The following RNF144A variants were observed in gnomAD, a reference collection of about 807,000 sequenced individuals.
RNF144A encodes the protein ring finger protein 144A, also known as E3 ubiquitin-protein ligase RNF144A.
Under a neutral mutation model 38.7 loss-of-function variants are expected in RNF144A, and 11 were observed. The ratio of observed to expected loss-of-function variants is 0.28; its 90% CI spans 0.18 to 0.47. The LOEUF is 0.47. RNF144A is among the 20% of genes least tolerant of loss of function. RNF144A has a pLI of 0.99. For synonymous variants in RNF144A, 149 were observed against 143.9 expected, an observed-to-expected ratio of 1.04 and a Z score of -0.25; for missense variants, 316 against 377.2, an observed-to-expected ratio of 0.84 and a Z score of 1.34.
rs1672252724 is a variant in RNF144A, at chr2:7,030,881, G to T, written c.747+666G>T. Among the ~76,000 whole-genome samples, 3 of 151,896 alleles carry T rather than the reference G, an allele frequency of 2.0e-5. No homozygotes were observed. The South Asian group carries it at 6.2e-4, about 32-fold the overall frequency. On this transcript the variant is annotated intron_variant, in intron 8 of 8. Coordinates refer to ENST00000320892, the MANE Select transcript of RNF144A (RefSeq NM_014746.6). ...TGCAACTAGATGGTCCCATCTGAGG[G>T]TGATGGGAGACTGTGATAGATCATC...
At chr2:7,070,942 T>A (rs1674459304), downstream of RNF144A, among the ~76,000 whole-genome samples, 1 of 150,488 alleles carries the variant, frequency 6.6e-6, no homozygotes, top group African/African-American at 2.4e-5. Flanking sequence ...GTTTTTTTTT[T>A]TTTTTTTTTT....
At chr2:7,008,243 T>C (rs563945918) in intron 3 of RNF144A, among the ~76,000 whole-genome samples, 1 of 152,244 alleles carries the variant, frequency 6.6e-6, no homozygotes, top group Non-Finnish European at 1.5e-5. Flanking sequence ...GCCTTCCTCC[T>C]TTTTGGCAGC....
At chr2:6,918,088 A>G (rs1272683973) in intron 1 of RNF144A, among the ~76,000 whole-genome samples, 3 of 152,008 alleles carry the variant, frequency 2.0e-5, no homozygotes, top group Admixed American at 6.5e-5. Context: ...CTCGGCCCCA[A>G]GAGGAGGTCT....
chr2:6,934,104 C>T lies in RNF144A; in HGVS notation c.-211-6844C>T, dbSNP rs998687742. Among the ~76,000 whole-genome samples the T allele has an allele frequency of 4.6e-5, 7 of 152,282 alleles. No individual in the cohort carries two copies. In the East Asian group the frequency reaches 1.3e-3, roughly 29 times the overall value. ...GTTTCCAAGTCATTTTCCAAAATGA[C>T]ATCTACCGTTGTTCTGCTAAGAAAT... On this transcript the variant is annotated intron_variant, in intron 1 of 8. Transcript: ENST00000320892.
chr2:7,033,807 G>C (rs1367797146), intron 8 of RNF144A, among the ~76,000 whole-genome samples: 2 of 152,204 alleles, frequency 1.3e-5, no homozygotes, highest in Non-Finnish European at 2.9e-5. Flanking sequence ...GCTCATCTTT[G>C]TAACCTCTTT....
intron 2 of RNF144A, among the ~76,000 whole-genome samples, chr2:6,966,334 A>G (rs1375892921): frequency 6.6e-6 from 1 of 152,278 alleles, no homozygotes; most frequent in Non-Finnish European, 1.5e-5. Context: ...CAGTAGCAAC[A>G]CGAAGACTAA....
At chr2:6,956,271 G>T (rs545333294) in intron 2 of RNF144A, among the ~76,000 whole-genome samples, 1 of 152,164 alleles carries the variant, frequency 6.6e-6, no homozygotes, top group Non-Finnish European at 1.5e-5. Flanking sequence ...AAGGTGCACA[G>T]TTATAGCCAC....
In RNF144A at chr2:6,982,920, A is replaced by T. The variant is rs114931192; in HGVS notation, c.-11-13996A>T. On this transcript the variant is annotated intron_variant, in intron 2 of 8. Transcript: ENST00000320892. ...AAATAGCTGAGGCCCCGTGAAATGG[A>T]ATGCCACAGCTTCTGCCTAGTGGCT... Among the ~76,000 whole-genome samples, 412 of 152,318 alleles carry T rather than the reference A, an allele frequency of 2.7e-3. 5 individuals carry two copies. The highest frequency in any genetic ancestry group is 9.3e-3 in the African/African-American group (388 of 41,568).
intron 8 of RNF144A, among the ~76,000 whole-genome samples, chr2:7,031,911 G>A (rs1052268547): frequency 3.9e-5 from 6 of 152,262 alleles, no homozygotes; most frequent in East Asian, 3.8e-4. Flanking sequence ...TACCTTGGCC[G>A]TGTTCCAGTG....
At chr2:6,984,999 C>G (rs1040263280) in intron 2 of RNF144A, among the ~76,000 whole-genome samples, 11 of 152,232 alleles carry the variant, frequency 7.2e-5, no homozygotes, top group African/African-American at 2.7e-4. Flanking sequence ...TTATTCCTCT[C>G]TTTCAGTGTT....
chr2:7,047,590 T>G (rs182382390), downstream of RNF144A, among the ~76,000 whole-genome samples: 1 of 152,270 alleles, frequency 6.6e-6, no homozygotes, highest in Admixed American at 6.5e-5. Context: ...TCTCACAACA[T>G]GTGGGAATTC....
At chr2:7,053,044 A>G (rs1452763415) in intron 6 of RNF144A, among the ~76,000 whole-genome samples, 1 of 152,230 alleles carries the variant, frequency 6.6e-6, no homozygotes, top group East Asian at 1.9e-4. Flanking sequence ...TTCTTAGTGA[A>G]ATTGTGAAAG....
chr2:7,001,699 G>A (rs966806149), intron 3 of RNF144A, among the ~76,000 whole-genome samples: 5 of 152,012 alleles, frequency 3.3e-5, no homozygotes, highest in Admixed American at 1.3e-4. Context: ...AAACAAAAAC[G>A]TAACATTTAA....
At chr2:6,942,820 C>G (rs1666094960) in intron 2 of RNF144A, among the ~76,000 whole-genome samples, 1 of 152,136 alleles carries the variant, frequency 6.6e-6, no homozygotes, top group African/African-American at 2.4e-5. Context: ...CCCATCTCTA[C>G]TAAAAATATA....
At position 7,039,592 on chromosome 2, in the gene RNF144A, C is replaced by T. The variant is rs766752304; in HGVS notation, c.748-37C>T. On this transcript the variant is annotated intron_variant, in intron 8 of 8. Transcript: ENST00000320892. ...TTTAGCTCTGGAACCTACAGACCAG[C>T]CCTCCTTACCTCTACCCCTTTGTTT... The T allele has an allele frequency of 9.9e-6, 16 of 1,610,432 alleles. 1 individual carries two copies. The Middle Eastern group carries it at 9.9e-4, about 100-fold the overall frequency.
chr2:7,046,990 T>C (rs1345391834), downstream of RNF144A, among the ~76,000 whole-genome samples: 1 of 152,234 alleles, frequency 6.6e-6, no homozygotes, highest in Admixed American at 6.5e-5. Flanking sequence ...TTCTCACTTC[T>C]CAGAATTTAT....
chr2:7,024,063 T>A (rs1671709370), intron 6 of RNF144A, among the ~76,000 whole-genome samples: 1 of 152,268 alleles, frequency 6.6e-6, no homozygotes, highest in Non-Finnish European at 1.5e-5. Context: ...ACCTCCGTTA[T>A]AATAAGCCTT....
intron 2 of RNF144A, among the ~76,000 whole-genome samples, chr2:6,991,843 ATTG>A (rs1390342167): frequency 3.3e-5 from 5 of 152,110 alleles, no homozygotes; most frequent in Non-Finnish European, 5.9e-5. Context: ...TGTATATATA[ATTG>A]TTGTTATAAT....
chr2:6,993,671 A>G (rs145905053), intron 2 of RNF144A, among the ~76,000 whole-genome samples: 1 of 152,096 alleles, frequency 6.6e-6, no homozygotes, highest in Non-Finnish European at 1.5e-5. Flanking sequence ...AGCATAGTGC[A>G]TGGCTGTCGA....
Sources: allele counts gnomAD v4.1 joint callset (sites outside exome capture counted in the v4.1 genomes callset), GRCh38; gene constraint gnomAD v4.1.1; transcripts MANE v1.5; gene names NCBI Gene and HGNC (gene_info 2026-07-23, HGNC 2026-07-21).